Variants in DISC1 observed in about 807,000 individuals in gnomAD.
DISC1 encodes DISC1 scaffold protein.
A neutral mutation model predicts 84.5 loss-of-function variants in DISC1; 57 were observed. The ratio of observed to expected loss-of-function variants is 0.67; its 90% confidence interval spans 0.55 to 0.84. The LOEUF is 0.84. Among genes scored for constraint, DISC1 ranks in the 40% least tolerant of loss-of-function variants. The pLI is 0.00. For missense variants in DISC1, 1,000 were observed against 1,057.8 expected (o/e 0.95, Z 0.76); for synonymous variants, 411 against 415.2 (o/e 0.99, Z 0.12).
chr1:231,679,967 C>T (rs2063526794), intron 1 of DISC1, among the ~76,000 whole-genome samples: 1 of 152,188 alleles, frequency 6.6e-6, no homozygotes, highest in African/African-American at 2.4e-5. Flanking sequence ...GTGGTTCATG[C>T]CTGTAATCCC....
intron 1 of DISC1, among the ~76,000 whole-genome samples, chr1:231,664,039 T>TCTCC (rs1558276331): frequency 6.8e-6 from 1 of 146,312 alleles, no homozygotes; most frequent in South Asian, 2.3e-4. Context: ...TCCATCTATC[T>TCTCC]ATCCATCCAT....
At chr1:231,906,612 C>CAA (rs767383134) in intron 9 of DISC1, among the ~76,000 whole-genome samples, 70 of 152,198 alleles carry the variant, frequency 4.6e-4, no homozygotes, top group Non-Finnish European at 9.0e-4. Flanking sequence ...TAGATATTTA[C>CAA]AGCTGGGTGA....
chr1:231,903,388 A>G (rs1324151120), intron 9 of DISC1, among the ~76,000 whole-genome samples: 2 of 152,244 alleles, frequency 1.3e-5, no homozygotes, highest in African/African-American at 4.8e-5. Flanking sequence ...TTAACCCATT[A>G]TAATCAAAGA....
intron 3 of DISC1, among the ~76,000 whole-genome samples, chr1:231,710,844 G>C (rs2067726046): frequency 6.6e-6 from 1 of 152,110 alleles, no homozygotes; most frequent in South Asian, 2.1e-4. Context: ...TGAGGTCCTG[G>C]GGGTTAGAAC....
intron 6 of DISC1, among the ~76,000 whole-genome samples, chr1:231,773,674 G>A (rs1359655512): frequency 3.9e-5 from 6 of 152,116 alleles, no homozygotes; most frequent in South Asian, 2.1e-4. Flanking sequence ...GTGAGCCACT[G>A]CGCCCAGCCA....
At chr1:231,838,175 A>G (rs951711266) in intron 9 of DISC1, among the ~76,000 whole-genome samples, 13 of 152,322 alleles carry the variant, frequency 8.5e-5, no homozygotes, top group African/African-American at 2.9e-4. Flanking sequence ...CGTACTATTC[A>G]GATGCTTTAA....
chr1:231,964,318 T>A (rs930159107), intron 10 of DISC1, among the ~76,000 whole-genome samples: 5 of 152,334 alleles, frequency 3.3e-5, no homozygotes, highest in African/African-American at 1.2e-4. Context: ...TCTCTGCCTC[T>A]CCAGCCATGC....
intron 6 of DISC1, among the ~76,000 whole-genome samples, chr1:231,791,035 C>T (rs970521234): frequency 5.9e-5 from 9 of 152,194 alleles, no homozygotes; most frequent in African/African-American, 2.2e-4. Flanking sequence ...ACAGCCACCC[C>T]CCAGGCTCAT....
intron 9 of DISC1, among the ~76,000 whole-genome samples, chr1:231,851,001 C>T (rs893320454): frequency 3.9e-5 from 6 of 152,168 alleles, no homozygotes; most frequent in African/African-American, 1.4e-4. Flanking sequence ...AAGGTCATAG[C>T]AAGGGCAGCA....
chr1:231,965,262 T>A (rs905297027), intron 10 of DISC1, among the ~76,000 whole-genome samples: 1 of 152,190 alleles, frequency 6.6e-6, no homozygotes, highest in Non-Finnish European at 1.5e-5. Flanking sequence ...ATCATCTGAG[T>A]TATAAGTTAG....
rs576320825 is a variant in DISC1, at chr1:231,749,111, G to A, written c.1118-815G>A. On this transcript the variant is annotated intron_variant, in intron 3 of 12. Transcript: ENST00000439617. The stretch of plus-strand genomic sequence containing the variant: ...TGCAGAGGCTGAGTGCCTGCATGCT[G>A]CCTTTCGGGACTGCCATTCATCACA... 6.6e-5 allele frequency among the ~76,000 whole-genome samples: 10 copies of A among 152,298 alleles called. No individual in the cohort carries two copies. In the East Asian group the frequency reaches 1.9e-3, roughly 29 times the overall value.
chr1:231,834,477 C>T (rs1254333406), intron 9 of DISC1, among the ~76,000 whole-genome samples: 1 of 152,050 alleles, frequency 6.6e-6, no homozygotes, highest in Admixed American at 6.6e-5. Flanking sequence ...GACCGTTTGC[C>T]CATTTTATGA....
intron 3 of DISC1, among the ~76,000 whole-genome samples, chr1:231,705,220 G>A (rs917843249): frequency 8.1e-5 from 12 of 147,248 alleles, no homozygotes; most frequent in African/African-American, 2.8e-4. Flanking sequence ...CCCGGGAGGC[G>A]GAGGTTGCAG....
chr1:232,039,809 A>G lies in DISC1; in HGVS notation c.*2978A>G, dbSNP rs201296840. 6.6e-5 allele frequency: 10 copies of G among 152,136 alleles called. No homozygotes were observed. The highest frequency in any genetic ancestry group is 1.5e-4 in the Non-Finnish European group (10 of 68,036). The allele number at this position is 152,136 out of a possible 1,614,324, so 9.4% of individuals were successfully genotyped here. ...TAGCCAAGACCACAAGCAAAAGCACATACTGGAAATGATGAGTTAGAATCT... is the reference window on the plus strand; with the variant it reads ...TAGCCAAGACCACAAGCAAAAGCACGTACTGGAAATGATGAGTTAGAATCT... On this transcript the variant is annotated 3_prime_UTR_variant, in exon 13 of 13. Coordinates refer to ENST00000439617, the MANE Select transcript of DISC1 (RefSeq NM_018662.3).
chr1:231,683,957 C>CCGG (rs2125574891), intron 1 of DISC1, among the ~76,000 whole-genome samples: 1 of 152,178 alleles, frequency 6.6e-6, no homozygotes, highest in East Asian at 1.9e-4. Context: ...GTTCTCTCCA[C>CCGG]CGGCAATGAC....
chr1:231,866,562 G>A, intron 9 of DISC1: 1 of 1,046,252 alleles, frequency 9.6e-7, no homozygotes. Flanking sequence ...ACACAGAGAA[G>A]TCAGCAACTT....
At chr1:231,754,133 AC>A (rs2074897174) in intron 4 of DISC1, among the ~76,000 whole-genome samples, 1 of 151,758 alleles carries the variant, frequency 6.6e-6, no homozygotes, top group African/African-American at 2.4e-5. Flanking sequence ...CACTCTTCCA[AC>A]CTCAGCCCAT....
chr1:231,766,529 G>A (rs1324477448), intron 4 of DISC1, among the ~76,000 whole-genome samples: 1 of 152,138 alleles, frequency 6.6e-6, no homozygotes, highest in Non-Finnish European at 1.5e-5. Flanking sequence ...TCATTGACTA[G>A]TGACTCAAAC....
At chr1:231,967,124 G>A (rs994396877) in intron 10 of DISC1, among the ~76,000 whole-genome samples, 1 of 152,234 alleles carries the variant, frequency 6.6e-6, no homozygotes, top group African/African-American at 2.4e-5. Flanking sequence ...ACAGCCTGAT[G>A]TGGAATGATA....
Sources: gnomAD v4.1 joint callset for allele counts (sites outside exome capture counted in the v4.1 genomes callset) on GRCh38, gnomAD v4.1.1 for gene constraint, MANE v1.5 for transcripts, NCBI Gene and HGNC (gene_info 2026-07-23, HGNC 2026-07-21) for gene names.